The following DST variants were observed in gnomAD, a reference collection of about 807,000 sequenced individuals.
DST encodes the protein dystonin.
In DST, 253 loss-of-function variants were observed where a neutral mutation model predicts 875.2. The observed-to-expected ratio is 0.29, with a 90% CI of 0.26 to 0.32. The LOEUF is 0.32. Ranked by LOEUF, DST falls within the 10% of genes least tolerant of loss-of-function variation. The pLI is 1.00. For missense variants in DST, 8,287 were observed against 9,111.6 expected (o/e 0.91, Z 3.68); for synonymous variants, 3,124 against 3,197.1 (o/e 0.98, Z 0.77).
intron 36 of DST, chr6:56,615,179 C>T: frequency 8.9e-7 from 1 of 1,126,260 alleles, no homozygotes; most frequent in Admixed American, 4.5e-5. Context: ...TAAATGATCA[C>T]TATTCAATGA....
At chr6:56,846,934 T>C (rs780551786) in intron 4 of DST, among the ~76,000 whole-genome samples, 4 of 139,378 alleles carry the variant, frequency 2.9e-5, no homozygotes, top group Non-Finnish European at 4.5e-5. Flanking sequence ...GCCCGGGAGG[T>C]AGAGGTTGCA....
At chr6:56,727,477 GT>G (rs1265189384) in intron 5 of DST, among the ~76,000 whole-genome samples, 3 of 152,202 alleles carry the variant, frequency 2.0e-5, no homozygotes, top group African/African-American at 7.2e-5. Context: ...TTTAGAATAT[GT>G]TAGCACCACT....
At position 56,476,224 on chromosome 6, in the gene DST, A is replaced by G; in HGVS notation, c.21789T>C (p.Thr7263=). The G allele has an allele frequency of 6.2e-7, 1 of 1,612,552 alleles. No homozygotes were observed. Among genetic ancestry groups the G allele is most frequent in the African/African-American group, 1.3e-5 (1 of 74,992 alleles). The change falls in exon 92 of 104, where the codon ACT becomes ACC. Residue 7263 remains threonine, a synonymous_variant. Coordinates refer to ENST00000680361, the MANE Select transcript of DST (RefSeq NM_001374736.1). ...ALLAWLQWAE[T]TLTDKDKEVI... ...CTTCTTTATCCTTATCAGTAAGTGT[A>G]GTTTCAGCCCATTGCAACCAAGCCA...
At chr6:56,816,999 C>T (rs748382492) in intron 4 of DST, among the ~76,000 whole-genome samples, 6 of 151,896 alleles carry the variant, frequency 4.0e-5, no homozygotes, top group Non-Finnish European at 7.4e-5. Context: ...TCTGTGAAAC[C>T]CTGGTCAAAG....
chr6:56,731,615 C>T (rs939709857), intron 5 of DST, among the ~76,000 whole-genome samples: 1 of 152,136 alleles, frequency 6.6e-6, no homozygotes, highest in Non-Finnish European at 1.5e-5. Flanking sequence ...TGATGTGTTT[C>T]ATCTCATTTT....
At chr6:56,888,538 G>A (rs1268119303) in intron 3 of DST, among the ~76,000 whole-genome samples, 1 of 152,162 alleles carries the variant, frequency 6.6e-6, no homozygotes, top group East Asian at 1.9e-4. Flanking sequence ...CTAAGGTTAT[G>A]CACATAGAGC....
chr6:56,573,969 A>G (rs1180633604), intron 50 of DST, 82 bp from the exon 51 acceptor site: 1 of 947,656 alleles, frequency 1.1e-6, no homozygotes, highest in Non-Finnish European at 1.5e-6. Flanking sequence ...GGTGAATCAT[A>G]CAATTTCCAC....
intron 4 of DST, among the ~76,000 whole-genome samples, chr6:56,832,338 T>C (rs797007033): frequency 1.2e-4 from 18 of 152,258 alleles, no homozygotes; most frequent in African/African-American, 4.1e-4. Context: ...TAACTAGAAC[T>C]TACTAGTTCT....
Position 56,567,748 on chromosome 6 carries a change from C to T in DST, c.14005+721G>A, listed in dbSNP as rs972296324. 1.6e-4 allele frequency among the ~76,000 whole-genome samples: 25 copies of T among 152,144 alleles called. No homozygotes were observed. The Middle Eastern group carries it at 0.014, about 83-fold the overall frequency. ...AGCTGGGGGCTGGTCAGACTAGATACCCCACAGAGGATACTCAGAACTCTC... is the reference window on the plus strand; with the variant it reads ...AGCTGGGGGCTGGTCAGACTAGATATCCCACAGAGGATACTCAGAACTCTC... On this transcript the variant is annotated intron_variant, in intron 55 of 103. Coordinates refer to ENST00000680361, the MANE Select transcript of DST (RefSeq NM_001374736.1).
intron 47 of DST, 126 bp from the exon 48 acceptor site, chr6:56,594,319 C>G: frequency 1.5e-6 from 1 of 689,376 alleles, no homozygotes; most frequent in Admixed American, 2.8e-5. Flanking sequence ...TTCTCATTCC[C>G]CTTTTCAAGC....
At chr6:56,771,887 A>G (rs964562322) in intron 4 of DST, among the ~76,000 whole-genome samples, 2 of 152,196 alleles carry the variant, frequency 1.3e-5, no homozygotes, top group Non-Finnish European at 2.9e-5. Context: ...TAACCAGGAG[A>G]AAAATCCCAT....
At chr6:56,611,943 G>C (rs1172062782) in intron 37 of DST, among the ~76,000 whole-genome samples, 3 of 152,188 alleles carry the variant, frequency 2.0e-5, no homozygotes, top group African/African-American at 7.2e-5. Flanking sequence ...GCGCACTGCA[G>C]TCCTCAAAAA....
At chr6:56,495,029 TA>T (rs1271233889) in intron 82 of DST, among the ~76,000 whole-genome samples, 1 of 151,980 alleles carries the variant, frequency 6.6e-6, no homozygotes, top group Non-Finnish European at 1.5e-5. Flanking sequence ...TCAGTGTTTT[TA>T]AAATTATATT....
intron 94 of DST, chr6:56,471,751 C>T (rs2094906687): frequency 2.4e-6 from 1 of 421,506 alleles, no homozygotes; most frequent in South Asian, 2.3e-5. Context: ...ATTATATTTT[C>T]CAGGCAGCAT....
rs1368830863 is a variant in DST at position 56,750,535 on chromosome 6, T to TCC, written c.626-15248_626-15247dup. Among the ~76,000 whole-genome samples the TCC allele has an allele frequency of 4.6e-5, 7 of 152,212 alleles. No individual in the cohort carries two copies. In the East Asian group the frequency reaches 1.4e-3, roughly 29 times the overall value. On this transcript the variant is annotated intron_variant, in intron 4 of 103. Transcript: ENST00000680361. ...TCAAACTTTCAAATTCCACAGTCCC[T>TCC]CCTATCTATCTTCATGAGAAAGTAA...
intron 47 of DST, among the ~76,000 whole-genome samples, chr6:56,595,684 A>G (rs568628462): frequency 5.9e-5 from 9 of 152,158 alleles, no homozygotes; most frequent in Admixed American, 2.0e-4. Context: ...TGTCTATAAC[A>G]GTGCCCGCCA....
chr6:56,497,865 G>T lies in DST; in HGVS notation c.20085C>A (p.Ala6695=). Residue 6695 remains alanine (A), a synonymous_variant, in exon 81 of 104, where the codon GCC becomes GCA. Transcript: ENST00000680361. ...TTATTCTCTTACTCACCTGGCGCAAGGCACCATCCAGCTGCTGCTTCCTTT... is the reference window on the plus strand; with the variant it reads ...TTATTCTCTTACTCACCTGGCGCAATGCACCATCCAGCTGCTGCTTCCTTT... The part of the protein sequence containing the change: ...TEQRKQQLDG[A]LRQAKGFHGE... 1 of 1,607,012 alleles carries T rather than the reference G, an allele frequency of 6.2e-7. No individual in the cohort carries two copies. Among genetic ancestry groups the T allele is most frequent in the East Asian group, 2.2e-5 (1 of 44,748 alleles).
At chr6:56,942,148 TATG>T (rs752761254) in intron 2 of DST, among the ~76,000 whole-genome samples, 1 of 152,226 alleles carries the variant, frequency 6.6e-6, no homozygotes, top group East Asian at 1.9e-4. Context: ...CTAATCTTCT[TATG>T]ATTATTGTTT....
Position 56,678,174 on chromosome 6 carries a change from C to A in DST, c.1048-7367G>T, listed in dbSNP as rs75284404. Reference sequence around the variant, plus strand: ...ATCCCTCAAAGATGTGGCACCTGGCCGTGTGCCTGGACACCCAAATGCCAT... The same window carrying A: ...ATCCCTCAAAGATGTGGCACCTGGCAGTGTGCCTGGACACCCAAATGCCAT... On this transcript the variant is annotated intron_variant, in intron 9 of 103. Transcript: ENST00000680361. Among the ~76,000 whole-genome samples, 1,307 of 152,336 alleles carry A rather than the reference C, an allele frequency of 8.6e-3. 24 individuals carry two copies. Among genetic ancestry groups the A allele is most frequent in the African/African-American group, 0.03 (1,261 of 41,576 alleles).
Sources: allele counts gnomAD v4.1 joint callset (sites outside exome capture counted in the v4.1 genomes callset), GRCh38; gene constraint gnomAD v4.1.1; transcripts MANE v1.5; gene names NCBI Gene and HGNC (gene_info 2026-07-23, HGNC 2026-07-21).